The following POLE variants were observed in gnomAD, a reference collection of about 807,000 sequenced individuals.
POLE encodes DNA polymerase epsilon catalytic subunit A.
Under a neutral mutation model 279.2 loss-of-function variants are expected in POLE, and 188 were observed. The observed-to-expected ratio is 0.67, with a 90% CI of 0.60 to 0.76. The LOEUF (loss-of-function observed/expected upper bound fraction) is 0.76, where lower values mean the gene tolerates loss of function less well. Among genes scored for constraint, POLE ranks in the 30% least tolerant of loss-of-function variants. POLE has a pLI of 0.00. For synonymous variants in POLE, 1,214 were observed against 1,172.5 expected (o/e 1.04, Z -0.72); for missense variants, 2,703 against 3,016.7 (o/e 0.90, Z 2.44).
chr12:132,671,380 C>T (rs2042924857), intron 16 of POLE, among the ~76,000 whole-genome samples: 1 of 149,864 alleles, frequency 6.7e-6, no homozygotes, highest in Non-Finnish European at 1.5e-5. Flanking sequence ...GACATAAAGA[C>T]CTGAGATAGG....
At position 132,672,657 on chromosome 12, in the gene POLE, G is replaced by A. The variant is rs1555228270; in HGVS notation, c.1656C>T (p.Phe552=). The change falls in exon 15 of 49, where the codon TTC becomes TTT. Residue 552 remains phenylalanine, a synonymous_variant. Transcript: ENST00000320574. ...GHVEALESGV[F]RSDIPCRFRM... ...TAAACCGGCAAGGGATATCGCTGCG[G>A]AAAACCCCAGACTCGAGGGCCTCCA... is the stretch of plus-strand genomic sequence containing the variant. 3.7e-6 allele frequency: 6 copies of A among 1,614,016 alleles called. No homozygotes were observed. Among genetic ancestry groups the A allele is most frequent in the Non-Finnish European group, 5.1e-6 (6 of 1,180,046 alleles).
intron 45 of POLE, among the ~76,000 whole-genome samples, chr12:132,630,180 G>A (rs1243353006): frequency 6.6e-6 from 1 of 152,200 alleles, no homozygotes; most frequent in African/African-American, 2.4e-5. Context: ...GAAATATCCT[G>A]AGAGTTACCA....
rs1446922286 is a variant in POLE at position 132,677,623 on chromosome 12, A to G, written c.675T>C (p.Asp225=). ...TGGAGAGGCGGATGTGGTAGGGAAC[A>G]TCGTACTCGCGCATGTCCACAATGT... ...LDNIVDMREY[D]VPYHIRLSID... The change falls in exon 7 of 49, where the codon GAT becomes GAC. Residue 225 remains aspartate (D), a synonymous_variant. Transcript: ENST00000320574. 6.2e-7 allele frequency: 1 copy of G among 1,614,198 alleles called. No individual in the cohort carries two copies. Among genetic ancestry groups the G allele is most frequent in the Non-Finnish European group, 8.5e-7 (1 of 1,180,026 alleles).
At chr12:132,673,847 A>C in intron 12 of POLE, 140 bp from the exon 13 acceptor site, 1 of 878,772 alleles carries the variant, frequency 1.1e-6, no homozygotes, top group Non-Finnish European at 1.8e-6. Context: ...AAGGCCCCAC[A>C]TGGTGTAGAC....
chr12:132,635,010 C>T (rs963337969), intron 42 of POLE, among the ~76,000 whole-genome samples: 2 of 152,284 alleles, frequency 1.3e-5, no homozygotes, highest in East Asian at 1.9e-4. Context: ...GAAGCGTCTG[C>T]GTCCTTACAA....
Position 132,624,955 on chromosome 12 carries a change from G to A in POLE, c.6697C>T (p.Pro2233Ser), listed in dbSNP as rs2041801247. 1 of 1,614,050 alleles carries A rather than the reference G, an allele frequency of 6.2e-7. No homozygotes were observed. The highest frequency in any genetic ancestry group is 8.5e-7 in the Non-Finnish European group (1 of 1,179,978). ...KCRGVKETSM[P>S]VYCSCAGDFA... ...TCTCCCGCGCAGCTGCAGTACACAG[G>A]CATGCTGGTCTCCTTCACCCCGCGG... Residue 2233 changes from proline (P) to serine (S), a missense_variant, in exon 48 of 49, where the codon CCT (proline) becomes TCT (serine). Transcript: ENST00000320574.
At chr12:132,673,085 C>T in intron 14 of POLE, 79 bp downstream of exon 14, 4 of 979,922 alleles carry the variant, frequency 4.1e-6, no homozygotes, top group Non-Finnish European at 6.6e-6. Context: ...GGGACATCCA[C>T]CTCCATTCAG....
Position 132,681,132 on chromosome 12 carries a change from G to A in POLE, c.204+6C>T, listed in dbSNP as rs1555230386. ...TTCCTGGGTGGGAGAAGGACCTAGT[G>A]CTTACAGGATGCATGTTAATGAGCC... is the stretch of plus-strand genomic sequence containing the variant. On this transcript the variant is annotated splice_donor_region_variant and intron_variant, in intron 2 of 48. Transcript: ENST00000320574. The A allele has an allele frequency of 6.2e-7, 1 of 1,613,984 alleles. No individual in the cohort carries two copies. Among genetic ancestry groups the A allele is most frequent in the African/African-American group, 1.3e-5 (1 of 75,040 alleles).
intron 43 of POLE, 187 bp from the exon 44 acceptor site, chr12:132,632,982 G>C: frequency 2.5e-4 from 149 of 588,170 alleles, no homozygotes; most frequent in Non-Finnish European, 3.8e-4. Flanking sequence ...AAATGAGAAG[G>C]AACACTCGCT....
intron 45 of POLE, 81 bp from the exon 46 acceptor site, chr12:132,626,398 T>A: frequency 7.4e-7 from 1 of 1,342,972 alleles, no homozygotes; most frequent in Non-Finnish European, 1.1e-6. Context: ...CCTCTGGACC[T>A]TAGGCTACAG....
rs1032107950 is a variant in POLE, at chr12:132,639,873, G to C, written c.5379-575C>G. Among the ~76,000 whole-genome samples the C allele has an allele frequency of 1.3e-5, 2 of 152,176 alleles. No individual in the cohort carries two copies. Among genetic ancestry groups the C allele is most frequent in the African/African-American group, 2.4e-5 (1 of 41,432 alleles). ...AAGGCAGGAGAATCGCTTGAACCCG[G>C]GAGGTGGAGGTTGCAGTGACCCAAG... On this transcript the variant is annotated intron_variant, in intron 39 of 48. Transcript: ENST00000320574. The surrounding 1 kb of genome is among the most constrained non-coding windows in gnomAD (Gnocchi z 4.7).
At chr12:132,642,044 C>G in intron 38 of POLE, 133 bp downstream of exon 38, 2 of 964,392 alleles carry the variant, frequency 2.1e-6, no homozygotes, top group Non-Finnish European at 3.1e-6. Flanking sequence ...CCAGGACCGT[C>G]TCCTGCAGCC....
In POLE at chr12:132,664,202, T is replaced by C. The variant is rs2042741044; in HGVS notation, c.2562-54A>G. The C allele has an allele frequency of 2.5e-6, 4 of 1,587,572 alleles. No individual in the cohort carries two copies. The highest frequency in any genetic ancestry group is 2.7e-5 in the African/African-American group (2 of 74,202). ...GAGTTCCCCTTTCCTTTTCACCCAGTGTGTGGCCTCCAGCCTTCCCTCCTT... is the reference window on the plus strand; with the variant it reads ...GAGTTCCCCTTTCCTTTTCACCCAGCGTGTGGCCTCCAGCCTTCCCTCCTT... On this transcript the variant is annotated intron_variant, in intron 22 of 48. Transcript: ENST00000320574. The surrounding 1 kb of genome is among the most constrained non-coding windows in gnomAD (Gnocchi z 5.3).
At chr12:132,687,115 C>T (rs1423175422) in intron 1 of POLE, 139 bp downstream of exon 1, 1 of 450,794 alleles carries the variant, frequency 2.2e-6, no homozygotes, top group Non-Finnish European at 3.4e-6. Flanking sequence ...GGGCGCGCCG[C>T]CCTACCCCAG....
At position 132,663,852 on chromosome 12, in the gene POLE, C is replaced by CT. The variant is rs5744836; in HGVS notation, c.2706+151dup. On this transcript the variant is annotated intron_variant, in intron 23 of 48. Coordinates refer to ENST00000320574, the MANE Select transcript of POLE (RefSeq NM_006231.4). ...AGAAAGGAGTGGAATCACTTGATACCTCTGACCATGGTCTTCAGGCTATAG... is the reference window on the plus strand; with the variant it reads ...AGAAAGGAGTGGAATCACTTGATACCTTCTGACCATGGTCTTCAGGCTATAG... The CT allele has an allele frequency of 6.6e-3, 4,874 of 737,122 alleles. 174 individuals carry two copies. In the African/African-American group the frequency reaches 0.075, roughly 11 times the overall value. 45.7% of individuals were successfully genotyped at this position (737,122 alleles called of 1,614,324 possible).
In POLE at chr12:132,687,306, T is replaced by C. The variant is rs1010746038; in HGVS notation, c.10A>G (p.Arg4Gly). 1.3e-6 allele frequency: 2 copies of C among 1,503,744 alleles called. No homozygotes were observed. Among genetic ancestry groups the C allele is most frequent in the Non-Finnish European group, 8.9e-7 (1 of 1,126,462 alleles). The allele number at this position is 1,503,744 out of a possible 1,614,324, so 93.2% of individuals were successfully genotyped here. MSL[R>G]SGGRRRADPG... ...TCCGCGCGCCGCCGCCCGCCGCTCC[T>C]CAGAGACATGGAGCCGTTGGCTACC... The change falls in exon 1 of 49, where the codon AGG becomes GGG. Residue 4 changes from arginine (R) to glycine (G), a missense_variant. By Grantham distance (125) the Arg-to-Gly change is moderately radical. This residue lies in a region of POLE where 1,011 missense variants were observed against 1,111.7 expected (regional missense o/e 0.91). Transcript: ENST00000320574.
rs780246896 is a variant in POLE, at chr12:132,680,650, G to A, written c.242C>T (p.Ala81Val). 27 of 1,613,856 alleles carry A rather than the reference G, an allele frequency of 1.7e-5. No homozygotes were observed. In the South Asian group the frequency reaches 2.9e-4, roughly 17 times the overall value. Residue 81 changes from alanine to valine, a missense_variant, in exon 3 of 49, where the codon GCA becomes GTA. By Grantham distance (64) the Ala-to-Val change is moderately conservative. Coordinates refer to ENST00000320574, the MANE Select transcript of POLE (RefSeq NM_006231.4). Reference protein sequence around the residue: ...ILDEDKRLGSAVDYYFIQDDG... With the variant: ...ILDEDKRLGSVVDYYFIQDDG... ...ATCTTGAATAAAGTAGTAATCCACT[G>A]CACTGCCTAAGCGCTTATCTTCATC...
intron 45 of POLE, among the ~76,000 whole-genome samples, chr12:132,627,540 C>G (rs1178777124): frequency 6.6e-6 from 1 of 152,170 alleles, no homozygotes; most frequent in African/African-American, 2.4e-5. Flanking sequence ...CTCAAACAGT[C>G]AACCCACCCT....
chr12:132,676,414 G>A (rs974440771), intron 9 of POLE, 132 bp downstream of exon 9: 2 of 731,770 alleles, frequency 2.7e-6, no homozygotes, highest in East Asian at 5.3e-5. Context: ...GGAACGGCTT[G>A]GTTGCTCCCA....
Sources: gnomAD v4.1 joint callset for allele counts (sites outside exome capture counted in the v4.1 genomes callset) on GRCh38, gnomAD v4.1.1 for gene constraint, gnomAD v4.1.1 regional missense constraint, Gnocchi (gnomAD v3.1) non-coding constraint, MANE v1.5 for transcripts, NCBI Gene and HGNC (gene_info 2026-07-23, HGNC 2026-07-21) for gene names.